Variants in RAC1 observed in about 807,000 individuals in gnomAD.
RAC1 encodes ras-related C3 botulinum toxin substrate 1.
Under a neutral mutation model 25.2 loss-of-function variants are expected in RAC1, and 2 were observed. That is an observed-to-expected ratio of 0.08 (90% confidence interval 0.03 to 0.25). The LOEUF is 0.25. Among genes scored for constraint, RAC1 ranks in the 10% least tolerant of loss-of-function variants. The pLI is 1.00. For synonymous variants in RAC1, 88 were observed against 94.0 expected (o/e 0.94, Z 0.37); for missense variants, 50 against 235.7 (o/e 0.21, Z 5.16).
chr7:6,374,902 C>G lies in RAC1; in HGVS notation c.35+132C>G. On this transcript the variant is annotated intron_variant, in intron 1 of 5. Transcript: ENST00000348035. ...AGGCGGTGGGCCTGGGCCTGTGTCG[C>G]GGGGCGGGGGCCGCGGGCGGGCGCC... 1.1e-5 allele frequency: 8 copies of G among 735,366 alleles called. No homozygotes were observed. In the East Asian group the frequency reaches 3.5e-4, roughly 32 times the overall value. 45.6% of individuals were successfully genotyped at this position (735,366 alleles called of 1,614,324 possible).
intron 1 of RAC1, among the ~76,000 whole-genome samples, chr7:6,375,457 C>T (rs915723985): frequency 2.0e-4 from 30 of 152,094 alleles, no homozygotes; most frequent in African/African-American, 7.2e-4. Context: ...AATTCCTGCG[C>T]TCAAGTGATT....
At chr7:6,378,858 C>T (rs1449721640) in intron 1 of RAC1, among the ~76,000 whole-genome samples, 1 of 152,144 alleles carries the variant, frequency 6.6e-6, no homozygotes, top group Non-Finnish European at 1.5e-5. Flanking sequence ...GAGGCCAAGG[C>T]AGGCGGATTG....
At chr7:6,397,254 AAAAAAAAG>A (rs1274696622) in intron 3 of RAC1, among the ~76,000 whole-genome samples, 22 of 106,830 alleles carry the variant, frequency 2.1e-4, no homozygotes, top group African/African-American at 6.5e-4. Context: ...AAAAAAAAAG[AAAAAAAAG>A]AAAAAAAGAA....
chr7:6,378,205 T>G (rs79686877), intron 1 of RAC1, among the ~76,000 whole-genome samples: 3,673 of 152,280 alleles, frequency 0.024, 57 homozygotes, highest in South Asian at 0.052. Flanking sequence ...GGGATGAGTT[T>G]TTTCCTTCTG....
At chr7:6,400,260 A>T in intron 4 of RAC1, 72 bp downstream of exon 4, 1 of 1,391,184 alleles carries the variant, frequency 7.2e-7, no homozygotes, top group South Asian at 1.2e-5. Context: ...TTAAAATATC[A>T]CTTAGCCTAG....
intron 3 of RAC1, among the ~76,000 whole-genome samples, chr7:6,398,029 C>T (rs1783296255): frequency 2.0e-5 from 3 of 152,178 alleles, no homozygotes; most frequent in Non-Finnish European, 4.4e-5. Flanking sequence ...CCCAGACCTA[C>T]AAAGTAGCCC....
At position 6,384,991 on chromosome 7, in the gene RAC1, A is replaced by C. The variant is rs977206806; in HGVS notation, c.36-2221A>C. On this transcript the variant is annotated intron_variant, in intron 1 of 5. Transcript: ENST00000348035. ...CACCTAATTTTTGTATTTTTAGTAG[A>C]GAACGGGTTTCTCCATGTTGGCCCA... 1.3e-5 allele frequency among the ~76,000 whole-genome samples: 2 copies of C among 151,386 alleles called. 1 individual carries two copies. Among genetic ancestry groups the C allele is most frequent in the Non-Finnish European group, 2.9e-5 (2 of 67,860 alleles).
intron 1 of RAC1, among the ~76,000 whole-genome samples, chr7:6,375,650 GTTTTTTCTT>G (rs1433228929): frequency 8.4e-4 from 128 of 151,680 alleles, no homozygotes; most frequent in African/African-American, 3.0e-3. Context: ...ATGGGGGACT[GTTTTTTCTT>G]TTCTTTCTTT....
chr7:6,400,665 CTTTTTT>C (rs1167663954), intron 4 of RAC1, among the ~76,000 whole-genome samples: 1 of 149,904 alleles, frequency 6.7e-6, no homozygotes, highest in Non-Finnish European at 1.5e-5. Flanking sequence ...TTGAGAGAGT[CTTTTTT>C]TTTGTTTTTG....
rs1248278864 is a variant in RAC1, at chr7:6,403,504, A to C, written c.*1058A>C. 2 of 220,026 alleles carry C rather than the reference A, an allele frequency of 9.1e-6. No homozygotes were observed. The highest frequency in any genetic ancestry group is 4.5e-5 in the African/African-American group (2 of 44,632). 13.6% of individuals were successfully genotyped at this position (220,026 alleles called of 1,614,324 possible). On this transcript the variant is annotated 3_prime_UTR_variant, in exon 6 of 6. Transcript: ENST00000348035. ...GAAGGTTTTTTTGTCGATTAGTAAA[A>C]GTGCTTTCCATGTTACTTTATTCAG...
At chr7:6,400,327 G>GC in intron 4 of RAC1, 139 bp downstream of exon 4, 3 of 607,402 alleles carry the variant, frequency 4.9e-6, no homozygotes, top group Non-Finnish European at 8.1e-6. Flanking sequence ...ACATGATTGG[G>GC]TTTTTTTTTT....
At chr7:6,376,338 G>C (rs1278433694) in intron 1 of RAC1, among the ~76,000 whole-genome samples, 1 of 149,960 alleles carries the variant, frequency 6.7e-6, no homozygotes, top group African/African-American at 2.5e-5. Flanking sequence ...ACGCGCCACC[G>C]TGTCCGGCTA....
At chr7:6,388,406 T>G (rs1012998707) in intron 2 of RAC1, among the ~76,000 whole-genome samples, 5 of 148,930 alleles carry the variant, frequency 3.4e-5, no homozygotes, top group Non-Finnish European at 7.4e-5. Context: ...AGTGCTGTGA[T>G]GCGATCTCAG....
intron 1 of RAC1, among the ~76,000 whole-genome samples, chr7:6,376,770 C>T (rs1439460239): frequency 8.2e-6 from 1 of 121,808 alleles, no homozygotes; most frequent in Non-Finnish European, 1.7e-5. Flanking sequence ...GATCCGCCCG[C>T]CTCGGCCTGT....
At chr7:6,400,009 C>A in intron 3 of RAC1, 117 bp from the exon 4 acceptor site, 1 of 931,618 alleles carries the variant, frequency 1.1e-6, no homozygotes, top group Non-Finnish European at 1.8e-6. Flanking sequence ...TCTGACCACA[C>A]CACTGGTAGA....
At chr7:6,399,651 AG>A (rs1344290995) in intron 3 of RAC1, among the ~76,000 whole-genome samples, 1 of 152,220 alleles carries the variant, frequency 6.6e-6, no homozygotes, top group African/African-American at 2.4e-5. Flanking sequence ...TGTGGAGGGA[AG>A]GGCTCAAGTA....
At chr7:6,379,998 T>A (rs1039226156) in intron 1 of RAC1, among the ~76,000 whole-genome samples, 1 of 152,196 alleles carries the variant, frequency 6.6e-6, no homozygotes, top group African/African-American at 2.4e-5. Context: ...GTTTCACTCT[T>A]TATACAAAGT....
chr7:6,393,643 A>T (rs1783151081), intron 3 of RAC1, among the ~76,000 whole-genome samples: 1 of 152,220 alleles, frequency 6.6e-6, no homozygotes, highest in African/African-American at 2.4e-5. Flanking sequence ...CTTAAACTTC[A>T]TGTTTCCTCT....
chr7:6,402,461 C>T lies in RAC1; in HGVS notation c.*15C>T, dbSNP rs970144899. 2.9e-6 allele frequency: 4 copies of T among 1,386,736 alleles called. No individual in the cohort carries two copies. The highest frequency in any genetic ancestry group is 7.4e-5 in the East Asian group (2 of 27,190). The allele number at this position is 1,386,736 out of a possible 1,614,324, so 85.9% of individuals were successfully genotyped here. A position where few individuals can be genotyped will look rare whatever the true frequency, so the allele number is the denominator to read the frequency against. On this transcript the variant is annotated 3_prime_UTR_variant, in exon 6 of 6. Transcript: ENST00000348035. Reference sequence around the variant, plus strand: ...TGCTGTTGTAAATGTCTCAGCCCCTCGTTCTTGGTCCTGTCCCTTGGAACC... The same window carrying T: ...TGCTGTTGTAAATGTCTCAGCCCCTTGTTCTTGGTCCTGTCCCTTGGAACC...
Sources: gnomAD v4.1 joint callset for allele counts (sites outside exome capture counted in the v4.1 genomes callset) on GRCh38, gnomAD v4.1.1 for gene constraint, MANE v1.5 for transcripts, NCBI Gene and HGNC (gene_info 2026-07-23, HGNC 2026-07-21) for gene names.